The following PITPNB variants were observed in gnomAD, a reference collection of about 807,000 sequenced individuals.
The protein encoded by PITPNB is phosphatidylinositol transfer protein beta, also known as phosphatidylinositol transfer protein beta isoform.
PITPNB carries 16 observed loss-of-function variants against 45.9 expected under a neutral mutation model. The ratio of observed to expected loss-of-function variants is 0.35; its 90% CI spans 0.24 to 0.53. PITPNB has a LOEUF of 0.53. PITPNB is among the 20% of genes least tolerant of loss of function. The pLI is 0.93. For missense variants in PITPNB, 188 were observed against 330.5 expected, an observed-to-expected ratio of 0.57 and a Z score of 3.34; for synonymous variants, 112 against 108.9, an observed-to-expected ratio of 1.03 and a Z score of -0.18.
chr22:27,896,017 C>A (rs993244184), intron 6 of PITPNB, among the ~76,000 whole-genome samples: 2 of 152,226 alleles, frequency 1.3e-5, no homozygotes, highest in Non-Finnish European at 2.9e-5. Flanking sequence ...TAAGTCCTAA[C>A]TCAAAGATGT....
At chr22:27,854,498 A>C (rs1238204711) in intron 11 of PITPNB, among the ~76,000 whole-genome samples, 4 of 152,172 alleles carry the variant, frequency 2.6e-5, no homozygotes, top group Non-Finnish European at 4.4e-5. Flanking sequence ...GTGATTTTGC[A>C]TATTTCCTTA....
At position 27,905,495 on chromosome 22, in the gene PITPNB, T is replaced by C. The variant is rs577808346; in HGVS notation, c.197+5469A>G. ...GATGCTCTCTGAATGTGAAGAAGTATGTTACAATCAATCCTTTCATTTTCA... is the reference window on the plus strand; with the variant it reads ...GATGCTCTCTGAATGTGAAGAAGTACGTTACAATCAATCCTTTCATTTTCA... On this transcript the variant is annotated intron_variant, in intron 3 of 11. Transcript: ENST00000335272. Among the ~76,000 whole-genome samples the C allele has an allele frequency of 5.9e-5, 9 of 152,332 alleles. No individual in the cohort carries two copies. The South Asian group carries it at 1.9e-3, about 32-fold the overall frequency.
intron 3 of PITPNB, among the ~76,000 whole-genome samples, chr22:27,910,038 C>A (rs1387189919): frequency 6.6e-6 from 1 of 150,524 alleles, no homozygotes; most frequent in Non-Finnish European, 1.5e-5. Context: ...GCAACCTCCA[C>A]CTCCTCGGTT....
Position 27,852,151 on chromosome 22 carries a change from G to A in PITPNB, c.*1551C>T, listed in dbSNP as rs1255175252. On this transcript the variant is annotated 3_prime_UTR_variant, in exon 12 of 12. Transcript: ENST00000335272. Reference sequence around the variant, plus strand: ...TCTGATTCACTGAAATCACTCCAGTGGGGGAGGGATGCAGGACATGTGGGA... The same window carrying A: ...TCTGATTCACTGAAATCACTCCAGTAGGGGAGGGATGCAGGACATGTGGGA... 1.3e-5 allele frequency: 2 copies of A among 152,108 alleles called. No individual in the cohort carries two copies. The highest frequency in any genetic ancestry group is 4.8e-5 in the African/African-American group (2 of 41,354). The allele number at this position is 152,108 out of a possible 1,614,324, so 9.4% of individuals were successfully genotyped here. A position where few individuals can be genotyped will look rare whatever the true frequency, so the allele number is the denominator to read the frequency against.
intron 8 of PITPNB, among the ~76,000 whole-genome samples, chr22:27,869,209 T>C (rs962835938): frequency 1.3e-5 from 2 of 152,212 alleles, no homozygotes; most frequent in Non-Finnish European, 2.9e-5. Flanking sequence ...TTCCTATTAC[T>C]ATGCACACAG....
chr22:27,916,356 G>C (rs1454397002), intron 1 of PITPNB, among the ~76,000 whole-genome samples: 2 of 152,212 alleles, frequency 1.3e-5, no homozygotes, highest in Non-Finnish European at 2.9e-5. Flanking sequence ...ATGTTCAAAT[G>C]TCTGAAAATC....
intron 2 of PITPNB, among the ~76,000 whole-genome samples, chr22:27,913,018 T>C (rs1601432270): frequency 9.6e-6 from 1 of 103,840 alleles, no homozygotes; most frequent in Non-Finnish European, 2.0e-5. Context: ...GGGGGGGGAG[T>C]ATAACAAAAA....
At chr22:27,909,950 CTTTTTTT>C (rs544649700) in intron 3 of PITPNB, among the ~76,000 whole-genome samples, 2 of 130,320 alleles carry the variant, frequency 1.5e-5, no homozygotes, top group Non-Finnish European at 3.3e-5. Context: ...CCACTAATTT[CTTTTTTT>C]TTTTTTTTTT....
intron 3 of PITPNB, among the ~76,000 whole-genome samples, chr22:27,902,382 C>CAAA (rs1437477853): frequency 2.6e-5 from 4 of 152,230 alleles, no homozygotes; most frequent in Middle Eastern, 3.4e-3. Context: ...CCTTATACGT[C>CAAA]ACAGAGTTTA....
chr22:27,886,215 A>C (rs935196325), intron 7 of PITPNB, among the ~76,000 whole-genome samples: 38 of 152,234 alleles, frequency 2.5e-4, no homozygotes, highest in African/African-American at 8.9e-4. Context: ...GACAAAAGAT[A>C]CTAAGTGAGG....
chr22:27,854,037 A>G (rs900955672), intron 11 of PITPNB, among the ~76,000 whole-genome samples: 1 of 152,136 alleles, frequency 6.6e-6, no homozygotes, highest in Non-Finnish European at 1.5e-5. Context: ...CTCACAACTG[A>G]ACATTTCATT....
chr22:27,884,472 T>C (rs1935061208), intron 7 of PITPNB, among the ~76,000 whole-genome samples: 1 of 152,222 alleles, frequency 6.6e-6, no homozygotes, highest in Non-Finnish European at 1.5e-5. Flanking sequence ...AAGTTCCCTA[T>C]CAATCAGGGC....
chr22:27,880,014 A>C (rs1198192915), intron 7 of PITPNB, among the ~76,000 whole-genome samples: 2 of 152,190 alleles, frequency 1.3e-5, no homozygotes, highest in Non-Finnish European at 2.9e-5. Flanking sequence ...AATAAGCAAC[A>C]TCATTCCTGC....
chr22:27,919,188 C>T lies in PITPNB; in HGVS notation c.4G>A (p.Val2Met). The T allele has an allele frequency of 1.2e-6, 2 of 1,613,890 alleles. No homozygotes were observed. The highest frequency in any genetic ancestry group is 1.7e-6 in the Non-Finnish European group (2 of 1,179,836). The change falls in exon 1 of 12, where the codon GTG becomes ATG. Residue 2 changes from valine (V) to methionine (M), a missense_variant. Physicochemically the swap from Val to Met is conservative, Grantham distance 21 (BLOSUM62 1). Transcript: ENST00000335272. M[V>M]LIKEFRVVLP... ...CCCACTCACAATTCCTTGATCAGCA[C>T]CATCTTCCCGGAACCCCCTCACAGC... is the stretch of plus-strand genomic sequence containing the variant.
At chr22:27,900,791 C>T (rs1309587391) in intron 3 of PITPNB, among the ~76,000 whole-genome samples, 2 of 152,112 alleles carry the variant, frequency 1.3e-5, no homozygotes, top group African/African-American at 4.8e-5. Context: ...CATTTTGCCA[C>T]CACAGTTACC....
Position 27,858,745 on chromosome 22 carries a change from C to T in PITPNB, c.646-236G>A, listed in dbSNP as rs1045656542. Among the ~76,000 whole-genome samples, 35 of 152,242 alleles carry T rather than the reference C, an allele frequency of 2.3e-4. No individual in the cohort carries two copies. In the South Asian group the frequency reaches 7.3e-3, roughly 32 times the overall value. ...AAAATAATCTCCTAGGCAAAGGTGT[C>T]ATGATCTAGTAGAAACTAAAAAAAT... On this transcript the variant is annotated intron_variant, in intron 9 of 11. Coordinates refer to ENST00000335272, the MANE Select transcript of PITPNB (RefSeq NM_012399.5).
chr22:27,865,848 C>T (rs1215982753), intron 8 of PITPNB, among the ~76,000 whole-genome samples: 6 of 152,084 alleles, frequency 3.9e-5, no homozygotes, highest in Non-Finnish European at 8.8e-5. Context: ...ACCCCCAAAC[C>T]TAAAATAAAA....
chr22:27,857,065 G>C (rs1404202097), intron 10 of PITPNB, among the ~76,000 whole-genome samples: 1 of 152,170 alleles, frequency 6.6e-6, no homozygotes, highest in East Asian at 1.9e-4. Flanking sequence ...AATGAGGGGG[G>C]TATCTTCCAC....
At chr22:27,888,241 G>A (rs979722763) in intron 7 of PITPNB, among the ~76,000 whole-genome samples, 1 of 152,154 alleles carries the variant, frequency 6.6e-6, no homozygotes, top group Non-Finnish European at 1.5e-5. Context: ...ACATGAGTGT[G>A]CCACAATGAT....
Sources: gnomAD v4.1 joint callset for allele counts (sites outside exome capture counted in the v4.1 genomes callset) on GRCh38, gnomAD v4.1.1 for gene constraint, MANE v1.5 for transcripts, NCBI Gene and HGNC (gene_info 2026-07-23, HGNC 2026-07-21) for gene names.